The following PCDHGA2 variants were observed in gnomAD, a reference collection of about 807,000 sequenced individuals.
PCDHGA2 encodes the protein protocadherin gamma subfamily A, 2.
Under a neutral mutation model 59.2 loss-of-function variants are expected in PCDHGA2, and 40 were observed. The observed-to-expected ratio is 0.68, with a 90% confidence interval of 0.52 to 0.88. The LOEUF is 0.88. Among genes scored for constraint, PCDHGA2 ranks in the 40% least tolerant of loss-of-function variants. The pLI is 0.00. For missense variants in PCDHGA2, 1,226 were observed against 1,204.0 expected, an observed-to-expected ratio of 1.02 and a Z score of -0.27; for synonymous variants, 560 against 526.0, an observed-to-expected ratio of 1.06 and a Z score of -0.89.
chr5:141,433,812 G>A (rs535623556), intron 1 of PCDHGA2, among the ~76,000 whole-genome samples: 46 of 150,530 alleles, frequency 3.1e-4, no homozygotes, highest in African/African-American at 1.1e-3. Context: ...ACTCCAGCCT[G>A]GGCAACAAGA....
chr5:141,443,848 G>A lies in PCDHGA2; in HGVS notation c.2425-50959G>A, dbSNP rs528933391. 2.6e-5 allele frequency among the ~76,000 whole-genome samples: 4 copies of A among 152,272 alleles called. No individual in the cohort carries two copies. The South Asian group carries it at 8.3e-4, about 32-fold the overall frequency. ...TTAGGTAAAATGGGTAATATGGAAA[G>A]TCTGAAAACTGAAAAAATTACTGAT... On this transcript the variant is annotated intron_variant, in intron 1 of 3. Transcript: ENST00000394576.
chr5:141,376,559 C>G (rs758448085), intron 1 of PCDHGA2: 8 of 1,609,380 alleles, frequency 5.0e-6, no homozygotes, highest in Admixed American at 3.4e-5. Context: ...TCCCGCAACC[C>G]AACTAATCAG....
intron 1 of PCDHGA2, chr5:141,403,145 C>T (rs749236674): frequency 2.5e-6 from 4 of 1,613,920 alleles, no homozygotes; most frequent in African/African-American, 1.3e-5. Flanking sequence ...GCGCCGAGTC[C>T]GCATCGTCTC....
At chr5:141,399,944 A>G (rs769384438) in intron 1 of PCDHGA2, 2 of 1,612,254 alleles carry the variant, frequency 1.2e-6, no homozygotes, top group South Asian at 2.2e-5. Context: ...CACGTGCTGC[A>G]GGCTAGCGAG....
intron 2 of PCDHGA2, among the ~76,000 whole-genome samples, chr5:141,498,277 G>T (rs1216561939): frequency 6.6e-6 from 1 of 151,924 alleles, no homozygotes; most frequent in African/African-American, 2.4e-5. Flanking sequence ...CAGTAAACTT[G>T]GTTCAAGATC....
At position 141,360,421 on chromosome 5, in the gene PCDHGA2, T is replaced by C. The variant is rs372376910; in HGVS notation, c.2424+19026T>C. ...TGACAGAATAGACCGAGAACAGATA[T>C]GCGGGAAGCAGCCTCTGTGTGTTCT... On this transcript the variant is annotated intron_variant, in intron 1 of 3. Transcript: ENST00000394576. 8.1e-5 allele frequency: 131 copies of C among 1,613,968 alleles called. No homozygotes were observed. In the African/African-American group the frequency reaches 1.1e-3, roughly 14 times the overall value.
At chr5:141,422,862 C>T in intron 1 of PCDHGA2, 1 of 1,614,270 alleles carries the variant, frequency 6.2e-7, no homozygotes, top group Non-Finnish European at 8.5e-7. Flanking sequence ...CCCTCAGCAG[C>T]AACGTGTCGC....
Position 141,475,143 on chromosome 5 carries a change from T to TC in PCDHGA2, c.2425-19662dup, listed in dbSNP as rs372338581. On this transcript the variant is annotated intron_variant, in intron 1 of 3. Transcript: ENST00000394576. ...GGCTTTTTTTCTTTTTGAAATCTTC[T>TC]CCGTCTTCTTCTTCATTAGCAGTGC... Among the ~76,000 whole-genome samples the TC allele has an allele frequency of 4.9e-3, 751 of 152,356 alleles. 5 individuals carry two copies. Among genetic ancestry groups the TC allele is most frequent in the Non-Finnish European group, 6.5e-3 (439 of 68,034 alleles).
At position 141,485,343 on chromosome 5, in the gene PCDHGA2, A is replaced by G; in HGVS notation, c.2425-9464A>G. ...GCTCAAGATTTCCTGCTGGATACGG[A>G]CAGTCTGTCAGCTCGCAGGCTGCAG... On this transcript the variant is annotated intron_variant, in intron 1 of 3. Transcript: ENST00000394576. This position sits in a 1 kb window ranked among gnomAD's most constrained non-coding sequence, Gnocchi z 5.7. 1 of 1,614,062 alleles carries G rather than the reference A, an allele frequency of 6.2e-7. No homozygotes were observed. Among genetic ancestry groups the G allele is most frequent in the Non-Finnish European group, 8.5e-7 (1 of 1,179,984 alleles).
chr5:141,441,923 C>A, intron 1 of PCDHGA2: 2 of 351,136 alleles, frequency 5.7e-6, no homozygotes, highest in Non-Finnish European at 5.5e-6. Context: ...AGACACAATG[C>A]GTGGCTGTCC....
chr5:141,341,427 C>CT, intron 1 of PCDHGA2, 32 bp downstream of exon 1: 1 of 1,612,370 alleles, frequency 6.2e-7, no homozygotes, highest in Non-Finnish European at 8.5e-7. Flanking sequence ...TACGTACTAG[C>CT]TAGTTTGCTG....
chr5:141,360,379 G>A (rs1761567357), intron 1 of PCDHGA2: 11 of 1,613,760 alleles, frequency 6.8e-6, no homozygotes, highest in Non-Finnish European at 9.3e-6. Flanking sequence ...CCCAGAAAGC[G>A]GAGACTTACT....
intron 1 of PCDHGA2, chr5:141,393,221 AG>A (rs1394795238): frequency 1.2e-6 from 2 of 1,613,690 alleles, no homozygotes; most frequent in South Asian, 2.2e-5. Flanking sequence ...TCCAGGTCGA[AG>A]ATCTAGAAGT....
intron 2 of PCDHGA2, among the ~76,000 whole-genome samples, chr5:141,499,796 C>T (rs2099794539): frequency 6.6e-6 from 1 of 150,412 alleles, no homozygotes; most frequent in South Asian, 2.1e-4. Context: ...AAGCAATTCT[C>T]ATGCTTCAGC....
chr5:141,398,568 G>C, intron 1 of PCDHGA2: 1 of 1,614,014 alleles, frequency 6.2e-7, no homozygotes, highest in African/African-American at 1.3e-5. Context: ...AGTCTGCACA[G>C]CCTGGCACAA....
chr5:141,432,622 G>A lies in PCDHGA2; in HGVS notation c.2425-62185G>A. 6.2e-7 allele frequency: 1 copy of A among 1,612,776 alleles called. No individual in the cohort carries two copies. The stretch of plus-strand genomic sequence containing the variant: ...AGCCGGGACTCTTCTCGGTGGGTCT[G>A]CACACGGGCGAGGTGCGCACGGCGC... On this transcript the variant is annotated intron_variant, in intron 1 of 3. Transcript: ENST00000394576. This position sits in a 1 kb window ranked among gnomAD's most constrained non-coding sequence, Gnocchi z 6.0.
At chr5:141,351,170 G>T (rs369227522) in intron 1 of PCDHGA2, 11 of 1,614,038 alleles carry the variant, frequency 6.8e-6, no homozygotes, top group Non-Finnish European at 9.3e-6. Flanking sequence ...TGGCACATTG[G>T]ATTTTGAAGA....
chr5:141,415,761 T>G (rs1047830043), intron 1 of PCDHGA2: 49 of 1,399,492 alleles, frequency 3.5e-5, no homozygotes, highest in Admixed American at 1.6e-4. Context: ...TTTTTTTTTT[T>G]TTTTTTTTTT....
chr5:141,471,925 G>A (rs1371923375), intron 1 of PCDHGA2, among the ~76,000 whole-genome samples: 1 of 152,076 alleles, frequency 6.6e-6, no homozygotes, highest in Non-Finnish European at 1.5e-5. Flanking sequence ...AAATTTTGGG[G>A]GTGATGAGAG....
Sources: allele counts gnomAD v4.1 joint callset (sites outside exome capture counted in the v4.1 genomes callset), GRCh38; gene constraint gnomAD v4.1.1; non-coding constraint Gnocchi (gnomAD v3.1); transcripts MANE v1.5; gene names NCBI Gene and HGNC (gene_info 2026-07-23, HGNC 2026-07-21).